The following ZNF611 variants were observed in gnomAD, a reference collection of about 807,000 sequenced individuals.
ZNF611 encodes the protein zinc finger protein 611.
A neutral mutation model predicts 8.9 loss-of-function variants in ZNF611; 6 were observed. The observed-to-expected ratio is 0.68, with a 90% CI of 0.37 to 1.34. ZNF611 has a LOEUF of 1.34. ZNF611 is among the 40% of genes most tolerant of loss of function. ZNF611 has a pLI of 0.02. For synonymous variants in ZNF611, 262 were observed against 279.7 expected (o/e 0.94, Z 0.63); for missense variants, 874 against 841.3 (o/e 1.04, Z -0.48).
intron 1 of ZNF611, among the ~76,000 whole-genome samples, chr19:52,730,385 C>G (rs1201541385): frequency 5.1e-5 from 5 of 97,520 alleles, no homozygotes; most frequent in Admixed American, 1.3e-4. Context: ...GAGCCAGACT[C>G]CGTCTCAAAA....
chr19:52,734,191 T>TCC (rs2062442865), intron 1 of ZNF611, among the ~76,000 whole-genome samples: 2 of 150,002 alleles, frequency 1.3e-5, no homozygotes, highest in Admixed American at 6.6e-5. Flanking sequence ...TCTTAGGTTT[T>TCC]TTTTTTTTTT....
At chr19:52,723,123 G>GT (rs1209978163) in intron 3 of ZNF611, among the ~76,000 whole-genome samples, 1 of 150,670 alleles carries the variant, frequency 6.6e-6, no homozygotes, top group African/African-American at 2.4e-5. Flanking sequence ...TCTAGCTCTT[G>GT]TTTTCTTTTC....
chr19:52,704,702 C>T lies in ZNF611; in HGVS notation c.*235G>A. 6.3e-7 allele frequency: 1 copy of T among 1,598,672 alleles called. No individual in the cohort carries two copies. The highest frequency in any genetic ancestry group is 8.6e-7 in the Non-Finnish European group (1 of 1,167,552). Reference sequence around the variant, plus strand: ...TCATTACATTAGTCAAGTTTCCCTACACCATGAATTGCCTGATGGTGAATA... The same window carrying T: ...TCATTACATTAGTCAAGTTTCCCTATACCATGAATTGCCTGATGGTGAATA... On this transcript the variant is annotated 3_prime_UTR_variant, in exon 6 of 6. Coordinates refer to ENST00000652185, the MANE Select transcript of ZNF611 (RefSeq NM_001161499.2).
At chr19:52,711,026 T>C (rs1053716894) in intron 5 of ZNF611, among the ~76,000 whole-genome samples, 4 of 130,932 alleles carry the variant, frequency 3.1e-5, no homozygotes, top group Admixed American at 7.9e-5. Flanking sequence ...AGAGGGAAAC[T>C]CCATTTAAAA....
rs1463900197 is a variant in ZNF611, at chr19:52,705,734, G to A, written c.1321C>T (p.Leu441Phe). The A allele has an allele frequency of 1.9e-6, 3 of 1,614,006 alleles. No homozygotes were observed. Among genetic ancestry groups the A allele is most frequent in the East Asian group, 2.2e-5 (1 of 44,866 alleles). The part of the protein sequence containing the change: ...CGKTFSHKSS[L>F]VCHHRLHGGE... ...CCATGAAGTCTATGATGGCATACAAGGGATGACTTGTGACTGAAGGTCTTG... is the reference window on the plus strand; with the variant it reads ...CCATGAAGTCTATGATGGCATACAAAGGATGACTTGTGACTGAAGGTCTTG... Residue 441 changes from leucine to phenylalanine, a missense_variant, in exon 6 of 6, where the codon CTT becomes TTT. Transcript: ENST00000652185.
At chr19:52,729,466 C>A (rs1299726822) in intron 2 of ZNF611, among the ~76,000 whole-genome samples, 5 of 124,182 alleles carry the variant, frequency 4.0e-5, no homozygotes, top group Admixed American at 1.0e-4. Flanking sequence ...GCATTCCAGC[C>A]TGGGTGACAG....
chr19:52,716,559 G>C (rs990477272), intron 3 of ZNF611, among the ~76,000 whole-genome samples: 1 of 152,120 alleles, frequency 6.6e-6, no homozygotes, highest in South Asian at 2.1e-4. Flanking sequence ...TAATCACACA[G>C]AACAGGCAAT....
chr19:52,718,830 C>A (rs2062335356), intron 3 of ZNF611, among the ~76,000 whole-genome samples: 1 of 151,850 alleles, frequency 6.6e-6, no homozygotes, highest in African/African-American at 2.4e-5. Flanking sequence ...AACAAAAAAC[C>A]CGACAACAAC....
chr19:52,734,185 AGGT>A (rs770486588), intron 1 of ZNF611, among the ~76,000 whole-genome samples: 3,028 of 132,644 alleles, frequency 0.023, 111 homozygotes, highest in African/African-American at 0.074. Flanking sequence ...CTGCTTTCTT[AGGT>A]TTTTTTTTTT....
chr19:52,712,834 G>A (rs2062289941), intron 5 of ZNF611, among the ~76,000 whole-genome samples: 2 of 152,138 alleles, frequency 1.3e-5, no homozygotes, highest in African/African-American at 2.4e-5. Flanking sequence ...GATGTCCATT[G>A]ACAGATAAAT....
chr19:52,727,642 C>G (rs1316699690), intron 3 of ZNF611, among the ~76,000 whole-genome samples: 1 of 152,162 alleles, frequency 6.6e-6, no homozygotes, highest in Non-Finnish European at 1.5e-5. Context: ...CCAAGCTGGC[C>G]AGGCTGGTTT....
At chr19:52,711,675 T>C (rs982232586) in intron 5 of ZNF611, among the ~76,000 whole-genome samples, 1 of 152,200 alleles carries the variant, frequency 6.6e-6, no homozygotes, top group Non-Finnish European at 1.5e-5. Context: ...ATGGATCATG[T>C]GCTGAGTCAT....
intron 1 of ZNF611, among the ~76,000 whole-genome samples, chr19:52,730,962 G>C (rs1000496112): frequency 1.3e-5 from 2 of 151,808 alleles, no homozygotes; most frequent in Admixed American, 6.6e-5. Context: ...TTGAGACCAA[G>C]TCACGCTCTA....
chr19:52,725,721 C>A (rs1193953796), intron 3 of ZNF611, among the ~76,000 whole-genome samples: 1 of 152,172 alleles, frequency 6.6e-6, no homozygotes, highest in Non-Finnish European at 1.5e-5. Flanking sequence ...GCAAAACTCA[C>A]GCGCCTCGGT....
intron 3 of ZNF611, among the ~76,000 whole-genome samples, chr19:52,726,268 C>T (rs1318839619): frequency 1.3e-5 from 2 of 152,054 alleles, no homozygotes; most frequent in African/African-American, 2.4e-5. Flanking sequence ...GGCGTGAGGC[C>T]GGAAGCCTGA....
rs1297123314 is a variant in ZNF611, at chr19:52,709,847, G to A, written c.191-2983C>T. On this transcript the variant is annotated intron_variant, in intron 5 of 5. Transcript: ENST00000652185. ...CTCCCAAAGTGCTGGGATTGCAGGCGTGAGCCACCATGCCCGGCAAAGACT... is the reference window on the plus strand; with the variant it reads ...CTCCCAAAGTGCTGGGATTGCAGGCATGAGCCACCATGCCCGGCAAAGACT... Among the ~76,000 whole-genome samples, 5 of 152,130 alleles carry A rather than the reference G, an allele frequency of 3.3e-5. No homozygotes were observed. In the South Asian group the frequency reaches 6.2e-4, roughly 19 times the overall value.
Position 52,706,245 on chromosome 19 carries a change from G to A in ZNF611, c.810C>T (p.His270=), listed in dbSNP as rs3906399. 1.0e-3 allele frequency: 1,611 copies of A among 1,614,130 alleles called. 15 individuals carry two copies. In the African/African-American group the frequency reaches 0.017, roughly 17 times the overall value. The part of the protein sequence containing the change: ...KCDVCGKLFN[H]EQYLACHDRC... ...TATCATGGCATGCAAGGTATTGCTC[G>A]TGATTAAAGAGCTTGCCACATACAT... The change falls in exon 6 of 6, where the codon CAC becomes CAT. Residue 270 remains histidine, a synonymous_variant. Coordinates refer to ENST00000652185, the MANE Select transcript of ZNF611 (RefSeq NM_001161499.2).
At chr19:52,716,503 C>T (rs1342668877) in intron 3 of ZNF611, among the ~76,000 whole-genome samples, 1 of 152,196 alleles carries the variant, frequency 6.6e-6, no homozygotes, top group African/African-American at 2.4e-5. Context: ...CCCTTGGGGC[C>T]TTGTTCTCAC....
chr19:52,713,281 A>T (rs1306223998), intron 5 of ZNF611, among the ~76,000 whole-genome samples: 1 of 152,206 alleles, frequency 6.6e-6, no homozygotes, highest in Non-Finnish European at 1.5e-5. Flanking sequence ...AGAACTAAAC[A>T]ATGGAAACCT....
Sources: allele counts gnomAD v4.1 joint callset (sites outside exome capture counted in the v4.1 genomes callset), GRCh38; gene constraint gnomAD v4.1.1; transcripts MANE v1.5; gene names NCBI Gene and HGNC (gene_info 2026-07-23, HGNC 2026-07-21).